KIAA0319: variants seen among roughly 807,000 people sequenced by gnomAD.
The protein encoded by KIAA0319 is dyslexia-associated protein KIAA0319.
Under a neutral mutation model 108.4 loss-of-function variants are expected in KIAA0319, and 83 were observed. The ratio of observed to expected loss-of-function variants is 0.77; its 90% CI spans 0.64 to 0.92. The LOEUF (loss-of-function observed/expected upper bound fraction) is 0.92, where lower values mean the gene tolerates loss of function less well. Ranked by LOEUF, KIAA0319 falls within the 40% of genes least tolerant of loss-of-function variation. KIAA0319 has a pLI of 0.00. For missense variants in KIAA0319, 1,195 were observed against 1,322.4 expected (o/e 0.90, Z 1.49); for synonymous variants, 484 against 510.4 (o/e 0.95, Z 0.70).
At chr6:24,630,710 T>TATATATATATATACACAC (rs373537245) in intron 1 of KIAA0319, among the ~76,000 whole-genome samples, 1 of 138,690 alleles carries the variant, frequency 7.2e-6, no homozygotes, top group African/African-American at 3.0e-5. Context: ...TATACACATA[T>TATATATATATATACACAC]ACACACAAAC....
Position 24,568,834 on chromosome 6 carries a change from T to C in KIAA0319, c.2087A>G (p.Lys696Arg). ...VGTYHFRLTV[K>R]DQQGLSSTST... is the part of the protein sequence containing the mutation. Reference sequence around the variant, plus strand: ...CGTGCTGCTCAGTCCCTGCTGGTCTTTCACTGTCAAACGGAAGTGGTAGGT... The same window carrying C: ...CGTGCTGCTCAGTCCCTGCTGGTCTCTCACTGTCAAACGGAAGTGGTAGGT... The change falls in exon 13 of 21, where the codon AAA (lysine) becomes AGA (arginine). Residue 696 changes from lysine (K) to arginine (R), a missense_variant. Physicochemically the swap from Lys to Arg is conservative, Grantham distance 26. Transcript: ENST00000378214. The C allele has an allele frequency of 6.2e-7, 1 of 1,614,178 alleles. No homozygotes were observed. Among genetic ancestry groups the C allele is most frequent in the Non-Finnish European group, 8.5e-7 (1 of 1,180,002 alleles).
chr6:24,636,062 T>C (rs1209880914), intron 1 of KIAA0319, among the ~76,000 whole-genome samples: 1 of 152,212 alleles, frequency 6.6e-6, no homozygotes, highest in Admixed American at 6.5e-5. Flanking sequence ...ATTGCCAAGA[T>C]ATGCCTCTTT....
At chr6:24,605,498 T>C (rs1420458210) in intron 1 of KIAA0319, among the ~76,000 whole-genome samples, 9 of 152,206 alleles carry the variant, frequency 5.9e-5, no homozygotes, top group Non-Finnish European at 1.3e-4. Flanking sequence ...TCTGTCTTCA[T>C]TAAAAGGGAA....
chr6:24,542,214 CCTTTA>C (rs1186433150), downstream of KIAA0319, among the ~76,000 whole-genome samples: 2 of 152,210 alleles, frequency 1.3e-5, no homozygotes, highest in South Asian at 2.1e-4. Flanking sequence ...AGATTTTGTT[CCTTTA>C]CTTAGCCTAG....
At chr6:24,600,007 C>T (rs1275648712) in intron 2 of KIAA0319, among the ~76,000 whole-genome samples, 1 of 145,442 alleles carries the variant, frequency 6.9e-6, no homozygotes, top group African/African-American at 2.6e-5. Flanking sequence ...CCAAAATAAA[C>T]CCTCAGCTAG....
intron 1 of KIAA0319, among the ~76,000 whole-genome samples, chr6:24,606,284 T>A (rs965501975): frequency 6.6e-6 from 1 of 152,140 alleles, no homozygotes; most frequent in Admixed American, 6.5e-5. Context: ...ATCCTGTTCC[T>A]CAATCTCATT....
At chr6:24,635,987 C>A (rs545296399) in intron 1 of KIAA0319, among the ~76,000 whole-genome samples, 2 of 152,006 alleles carry the variant, frequency 1.3e-5, no homozygotes, top group Non-Finnish European at 2.9e-5. Flanking sequence ...TAATGAATCA[C>A]GTAAATAAGG....
chr6:24,634,308 T>A (rs911659100), intron 1 of KIAA0319, among the ~76,000 whole-genome samples: 11 of 152,190 alleles, frequency 7.2e-5, no homozygotes, highest in African/African-American at 2.7e-4. Flanking sequence ...CTACCTTGAT[T>A]CAAGTGAGTT....
chr6:24,599,735 C>T lies in KIAA0319; in HGVS notation c.55+1314G>A, dbSNP rs1445045874. 3.9e-5 allele frequency: 22 copies of T among 557,362 alleles called. No individual in the cohort carries two copies. The Admixed American group carries it at 4.7e-4, about 12-fold the overall frequency. 34.5% of individuals were successfully genotyped at this position (557,362 alleles called of 1,614,324 possible). On this transcript the variant is annotated intron_variant, in intron 2 of 20. Coordinates refer to ENST00000378214, the MANE Select transcript of KIAA0319 (RefSeq NM_014809.4). The surrounding 1 kb of genome is among the most constrained non-coding windows in gnomAD (Gnocchi z 4.1). The stretch of plus-strand genomic sequence containing the variant: ...TCAGGGCCATGGTTGTGAAGAAGAT[C>T]GAGATTTGTGATAGGAAACTGGTGT...
At chr6:24,560,779 T>A (rs548992572) in intron 16 of KIAA0319, among the ~76,000 whole-genome samples, 1 of 152,342 alleles carries the variant, frequency 6.6e-6, no homozygotes, top group East Asian at 1.9e-4. Context: ...ACCAGTCATA[T>A]TGATTTAAAA....
At chr6:24,608,436 G>A (rs955504057) in intron 1 of KIAA0319, among the ~76,000 whole-genome samples, 15 of 151,912 alleles carry the variant, frequency 9.9e-5, no homozygotes, top group African/African-American at 3.4e-4. Context: ...AAGTGCACAT[G>A]GGAAAATTAA....
intron 16 of KIAA0319, among the ~76,000 whole-genome samples, chr6:24,561,899 C>T (rs1388510137): frequency 2.6e-5 from 4 of 152,164 alleles, no homozygotes; most frequent in Admixed American, 6.5e-5. Flanking sequence ...GACGAGGTTT[C>T]GCCATGTTGG....
At chr6:24,542,331 TCAA>T (rs1483179782), downstream of KIAA0319, among the ~76,000 whole-genome samples, 2 of 152,194 alleles carry the variant, frequency 1.3e-5, no homozygotes, top group African/African-American at 2.4e-5. Flanking sequence ...TTCTCATACT[TCAA>T]CAAGCATTTA....
chr6:24,624,000 T>A (rs1774333119), intron 1 of KIAA0319, among the ~76,000 whole-genome samples: 1 of 149,150 alleles, frequency 6.7e-6, no homozygotes. Context: ...AAAAATAATT[T>A]TGAATTTCTT....
chr6:24,640,084 T>G (rs188076678), intron 1 of KIAA0319, among the ~76,000 whole-genome samples: 1 of 152,216 alleles, frequency 6.6e-6, no homozygotes, highest in Non-Finnish European at 1.5e-5. Context: ...AATTTTTTTT[T>G]ATTGATACAT....
At chr6:24,597,940 A>AAAAAAAAAAAAAC (rs1562032993) in intron 2 of KIAA0319, 25 of 147,078 alleles carry the variant, frequency 1.7e-4, no homozygotes, top group African/African-American at 6.6e-4. Context: ...AAAAAAAAAA[A>AAAAAAAAAAAAAC]AAAAAAAAAA....
intron 8 of KIAA0319, 149 bp downstream of exon 8, chr6:24,579,709 A>G (rs969138104): frequency 9.8e-6 from 6 of 614,322 alleles, no homozygotes; most frequent in Non-Finnish European, 1.7e-5. Flanking sequence ...GAGCTAAAGG[A>G]ACTAAAGAAG....
At chr6:24,558,372 G>A (rs199820109) in intron 17 of KIAA0319, among the ~76,000 whole-genome samples, 1,474 of 50,248 alleles carry the variant, frequency 0.029, 17 homozygotes, top group African/African-American at 0.059. Flanking sequence ...TATCTAGATA[G>A]ATAGATAGAT....
chr6:24,541,840 T>A (rs115713107), downstream of KIAA0319, among the ~76,000 whole-genome samples: 2,231 of 152,256 alleles, frequency 0.015, 27 homozygotes, highest in South Asian at 0.049. Context: ...AATATTTTTT[T>A]AAATGCCTTT....
Sources: gnomAD v4.1 joint callset for allele counts (sites outside exome capture counted in the v4.1 genomes callset) on GRCh38, gnomAD v4.1.1 for gene constraint, Gnocchi (gnomAD v3.1) non-coding constraint, MANE v1.5 for transcripts, NCBI Gene and HGNC (gene_info 2026-07-23, HGNC 2026-07-21) for gene names.